The following KDM4C variants were observed in gnomAD, a reference collection of about 807,000 sequenced individuals.
KDM4C encodes the protein lysine-specific demethylase 4C.
In KDM4C, 81 loss-of-function variants were observed where a neutral mutation model predicts 129.3. That is an observed-to-expected ratio of 0.63 (90% CI 0.52 to 0.75). The LOEUF (loss-of-function observed/expected upper bound fraction) is 0.75, where lower values mean the gene tolerates loss of function less well. KDM4C is among the 30% of genes least tolerant of loss of function. The pLI is 0.00. For missense variants in KDM4C, 1,457 were observed against 1,304.0 expected, an observed-to-expected ratio of 1.12 and a Z score of -1.81; for synonymous variants, 573 against 456.1, an observed-to-expected ratio of 1.26 and a Z score of -3.26.
chr9:7,066,678 T>C (rs1279581910), intron 17 of KDM4C, among the ~76,000 whole-genome samples: 1 of 152,218 alleles, frequency 6.6e-6, no homozygotes, highest in Admixed American at 6.5e-5. Flanking sequence ...CTGTGAGTCA[T>C]GAAACACTAT....
chr9:6,721,237 C>CTTTTTTT (rs35919506), intron 1 of KDM4C: 2 of 90,466 alleles, frequency 2.2e-5, no homozygotes, highest in African/African-American at 4.2e-5. Context: ...CTATGCCTGG[C>CTTTTTTT]TTTTTTTTTT....
chr9:7,093,504 G>T (rs1376682722), intron 17 of KDM4C, among the ~76,000 whole-genome samples: 1 of 152,108 alleles, frequency 6.6e-6, no homozygotes, highest in Non-Finnish European at 1.5e-5. Context: ...TATTGTTACT[G>T]TATTCATGTA....
Position 7,056,428 on chromosome 9 carries a change from C to T in KDM4C, c.2424+7228C>T, listed in dbSNP as rs1830880520. On this transcript the variant is annotated intron_variant, in intron 17 of 21. Coordinates refer to ENST00000381309, the MANE Select transcript of KDM4C (RefSeq NM_015061.6). ...TTGCTACAGGGACTAGATCCTATTG[C>T]AAGCTGTCAAATTTGTATATTGCTG... Among the ~76,000 whole-genome samples the T allele has an allele frequency of 2.0e-5, 3 of 151,754 alleles. No homozygotes were observed. The South Asian group carries it at 6.2e-4, about 31-fold the overall frequency.
intron 4 of KDM4C, 33 bp downstream of exon 4, chr9:6,814,778 A>C (rs758501631): frequency 7.4e-7 from 1 of 1,342,658 alleles, no homozygotes; most frequent in South Asian, 1.2e-5. Flanking sequence ...TTTTGTAAAG[A>C]TCATTGGATG....
At chr9:6,771,614 A>G (rs1158532214) in intron 1 of KDM4C, among the ~76,000 whole-genome samples, 1 of 152,140 alleles carries the variant, frequency 6.6e-6, no homozygotes, top group Non-Finnish European at 1.5e-5. Flanking sequence ...CCCGGCCAGT[A>G]TTTCAAATTT....
chr9:7,099,221 A>C (rs1836800881), intron 17 of KDM4C, among the ~76,000 whole-genome samples: 1 of 152,238 alleles, frequency 6.6e-6, no homozygotes, highest in Non-Finnish European at 1.5e-5. Context: ...TAAAACTAGC[A>C]AAACAAAACA....
At chr9:6,727,859 A>G (rs1817188106) in intron 1 of KDM4C, among the ~76,000 whole-genome samples, 1 of 150,640 alleles carries the variant, frequency 6.6e-6, no homozygotes, top group African/African-American at 2.4e-5. Flanking sequence ...AAAACCTGAA[A>G]TCACATGCCT....
intron 1 of KDM4C, among the ~76,000 whole-genome samples, chr9:6,728,993 C>G (rs554594672): frequency 5.3e-5 from 8 of 151,662 alleles, no homozygotes; most frequent in Non-Finnish European, 8.8e-5. Flanking sequence ...ATCACGAGGT[C>G]AGGAGTTCAA....
intron 15 of KDM4C, among the ~76,000 whole-genome samples, chr9:7,029,102 T>C (rs1436842325): frequency 6.6e-6 from 1 of 152,166 alleles, no homozygotes; most frequent in Non-Finnish European, 1.5e-5. Flanking sequence ...CGTGGAGCCT[T>C]CTATTTGGCC....
At chr9:6,799,684 C>T (rs1158606089) in intron 2 of KDM4C, among the ~76,000 whole-genome samples, 5 of 136,404 alleles carry the variant, frequency 3.7e-5, no homozygotes, top group East Asian at 2.1e-4. Context: ...ACATTTAATT[C>T]TACACATAAT....
chr9:7,069,500 A>C (rs990580520), intron 17 of KDM4C, among the ~76,000 whole-genome samples: 1 of 152,236 alleles, frequency 6.6e-6, no homozygotes, highest in Non-Finnish European at 1.5e-5. Flanking sequence ...CTACAGAGCA[A>C]GACCCTGTTT....
At chr9:6,900,148 T>C (rs929171653) in intron 8 of KDM4C, among the ~76,000 whole-genome samples, 1 of 152,236 alleles carries the variant, frequency 6.6e-6, no homozygotes, top group East Asian at 1.9e-4. Flanking sequence ...AATTGCTTTC[T>C]GTCCTATACT....
intron 17 of KDM4C, among the ~76,000 whole-genome samples, chr9:7,081,258 G>C (rs1446667798): frequency 6.6e-6 from 1 of 152,146 alleles, no homozygotes; most frequent in African/African-American, 2.4e-5. Flanking sequence ...ATATGGGGTG[G>C]ACTTCAGGAC....
At chr9:6,849,167 C>A (rs1315534780) in intron 4 of KDM4C, among the ~76,000 whole-genome samples, 1 of 152,202 alleles carries the variant, frequency 6.6e-6, no homozygotes, top group African/African-American at 2.4e-5. Context: ...GGAGGGAGAG[C>A]ACATGCCGGA....
chr9:6,952,960 A>G (rs536136201), intron 8 of KDM4C, among the ~76,000 whole-genome samples: 11 of 152,324 alleles, frequency 7.2e-5, no homozygotes, highest in Admixed American at 2.6e-4. Context: ...ACTTCTTTAA[A>G]TGACTGGTAC....
At chr9:6,757,651 C>A (rs1818450571), upstream of KDM4C, 1 of 985,534 alleles carries the variant, frequency 1.0e-6, no homozygotes. Context: ...GCCATAGGTG[C>A]GCGTCGGCGC....
At chr9:6,952,156 A>C (rs1828268842) in intron 8 of KDM4C, among the ~76,000 whole-genome samples, 1 of 152,038 alleles carries the variant, frequency 6.6e-6, no homozygotes, top group Admixed American at 6.6e-5. Context: ...ACCCCCTACA[A>C]CCTGACATTT....
At chr9:6,969,901 C>T (rs1026517162) in intron 8 of KDM4C, among the ~76,000 whole-genome samples, 9 of 152,218 alleles carry the variant, frequency 5.9e-5, no homozygotes, top group African/African-American at 2.2e-4. Context: ...TGATTTCTTT[C>T]TCAGGCAGTT....
At chr9:7,156,556 C>T (rs554336212) in intron 19 of KDM4C, among the ~76,000 whole-genome samples, 33 of 152,310 alleles carry the variant, frequency 2.2e-4, no homozygotes, top group Middle Eastern at 6.8e-3. Context: ...GATCCAGTTT[C>T]AGCTTTCTAC....
Sources: allele counts gnomAD v4.1 joint callset (sites outside exome capture counted in the v4.1 genomes callset), GRCh38; gene constraint gnomAD v4.1.1; transcripts MANE v1.5; gene names NCBI Gene and HGNC (gene_info 2026-07-23, HGNC 2026-07-21).